Variants in TLE6 observed in about 807,000 individuals in gnomAD.
TLE6 encodes the protein TLE family member 6, subcortical maternal complex member, also known as transducin-like enhancer protein 6.
TLE6 carries 72 observed loss-of-function variants against 77.1 expected under a neutral mutation model. The observed-to-expected ratio is 0.93, with a 90% CI of 0.77 to 1.14. TLE6 has a LOEUF of 1.14. TLE6 is among the 50% of genes most tolerant of loss of function. The pLI, the probability that TLE6 is intolerant of heterozygous loss-of-function variation, is 0.00. For missense variants in TLE6, 843 were observed against 747.6 expected (o/e 1.13, Z -1.49); for synonymous variants, 366 against 287.3 (o/e 1.27, Z -2.77).
Position 2,995,056 on chromosome 19 carries a change from T to TCCCCC in TLE6, c.*58_*62dup. 4.8e-6 allele frequency: 4 copies of TCCCCC among 827,276 alleles called. No homozygotes were observed. Among genetic ancestry groups the TCCCCC allele is most frequent in the Non-Finnish European group, 5.6e-6 (3 of 533,530 alleles). The allele number at this position is 827,276 out of a possible 1,614,324, so 51.2% of individuals were successfully genotyped here. ...CGGCTCCTCTTTTCATCCCCCCCCT[T>TCCCCC]CCCCCCCCCCAACAAGGGGGACATG... On this transcript the variant is annotated 3_prime_UTR_variant, in exon 17 of 17. Transcript: ENST00000246112.
Position 2,994,115 on chromosome 19 carries a change from G to GC in TLE6, c.1614+21dup. ...TTCGAGGTACTGCGGTGGGCTGGGG[G>GC]CAGGACCCGGGGGTGGCCCCAAAGG... On this transcript the variant is annotated intron_variant, in intron 16 of 16. Coordinates refer to ENST00000246112, the MANE Select transcript of TLE6 (RefSeq NM_001143986.2). The GC allele has an allele frequency of 6.3e-7, 1 of 1,587,838 alleles. No individual in the cohort carries two copies. The highest frequency in any genetic ancestry group is 8.6e-7 in the Non-Finnish European group (1 of 1,168,090).
intron 16 of TLE6, 82 bp downstream of exon 16, chr19:2,994,177 C>CA (rs1001201029): frequency 1.5e-4 from 189 of 1,255,404 alleles, no homozygotes; most frequent in Non-Finnish European, 1.9e-4. Flanking sequence ...CCTGTCTCCA[C>CA]AAAAAACTTA....
At position 2,987,885 on chromosome 19, in the gene TLE6, G is replaced by T. The variant is rs775874588; in HGVS notation, c.626-13G>T. 6.2e-7 allele frequency: 1 copy of T among 1,611,184 alleles called. No homozygotes were observed. The highest frequency in any genetic ancestry group is 8.5e-7 in the Non-Finnish European group (1 of 1,178,158). ...CAATGCAAGCCGCTTAGCCCCTCTT[G>T]TCTCCCCACTAGCCCCCAGGCCACC... On this transcript the variant is annotated splice_polypyrimidine_tract_variant and intron_variant, in intron 9 of 16. Transcript: ENST00000246112.
intron 13 of TLE6, among the ~76,000 whole-genome samples, chr19:2,991,381 T>TACAC (rs1202011955): frequency 5.4e-4 from 53 of 98,034 alleles, no homozygotes; most frequent in African/African-American, 2.5e-3. Flanking sequence ...AATACGTATA[T>TACAC]ATATATATAT....
intron 2 of TLE6, among the ~76,000 whole-genome samples, chr19:2,979,346 A>G (rs574347920): frequency 6.6e-6 from 1 of 151,550 alleles, no homozygotes; most frequent in Non-Finnish European, 1.5e-5. Flanking sequence ...TCCCAGGTTC[A>G]AGTGATTCTC....
intron 11 of TLE6, 143 bp from the exon 12 acceptor site, chr19:2,988,918 A>AGG: frequency 1.6e-6 from 1 of 615,402 alleles, no homozygotes; most frequent in East Asian, 2.5e-5. Flanking sequence ...CAGGACATTG[A>AGG]GGGGAGTCTA....
intron 5 of TLE6, 82 bp from the exon 6 acceptor site, chr19:2,986,747 C>A: frequency 1.5e-6 from 2 of 1,341,190 alleles, no homozygotes; most frequent in Non-Finnish European, 1.0e-6. Flanking sequence ...CCTTCTTCTA[C>A]AGGTGGGGAT....
rs759221475 is a variant in TLE6 at position 2,987,101 on chromosome 19, C to G, written c.404C>G (p.Pro135Arg). The G allele has an allele frequency of 9.3e-6, 15 of 1,614,024 alleles. No homozygotes were observed. Among genetic ancestry groups the G allele is most frequent in the Non-Finnish European group, 1.3e-5 (15 of 1,180,028 alleles). The change falls in exon 7 of 17, where the codon CCT becomes CGT. Residue 135 changes from proline (P) to arginine (R), a missense_variant. Pro to Arg is a moderately radical substitution (Grantham distance 103). Coordinates refer to ENST00000246112, the MANE Select transcript of TLE6 (RefSeq NM_001143986.2). ...ATRSSDWLRR[P>R]LGEDNQPETQ... ...AGGTCCTCCGACTGGCTCCGGCGGC[C>G]TTTGGGGGAGGACAATCAGCCGGAG...
At chr19:2,981,049 T>TA (rs879544850) in intron 3 of TLE6, among the ~76,000 whole-genome samples, 28 of 141,768 alleles carry the variant, frequency 2.0e-4, no homozygotes, top group East Asian at 4.2e-4. Context: ...AGATTCTGTT[T>TA]AAAAAAAAAA....
chr19:2,991,572 G>A (rs995444968), intron 13 of TLE6, among the ~76,000 whole-genome samples: 1 of 151,010 alleles, frequency 6.6e-6, no homozygotes, highest in Admixed American at 6.7e-5. Context: ...ACCTGCCTCA[G>A]AGCTCGGGTG....
At position 2,987,186 on chromosome 19, in the gene TLE6, C is replaced by G. The variant is rs2088932124; in HGVS notation, c.489C>G (p.Leu163=). Residue 163 remains leucine (L), a synonymous_variant, in exon 7 of 17, where the codon CTC becomes CTG. Transcript: ENST00000246112. The part of the protein sequence containing the change: ...WFWHDTLTEQ[L]WRIFAGVHDE... The stretch of plus-strand genomic sequence containing the variant: ...GGCACGACACTCTGACCGAGCAACT[C>G]TGGCGGATTTTTGCCGGCGTCCACG... 6.2e-7 allele frequency: 1 copy of G among 1,614,100 alleles called. No individual in the cohort carries two copies. The highest frequency in any genetic ancestry group is 8.5e-7 in the Non-Finnish European group (1 of 1,180,032).
rs1276886459 is a variant in TLE6 at position 2,986,913 on chromosome 19, G to T, written c.285+22G>T. On this transcript the variant is annotated intron_variant, in intron 6 of 16. Transcript: ENST00000246112. ...GGAGGTGAGTTTCTGGGTCTTCAAG[G>T]AGGGGAGGGGACAGGCTTGGGTGAA... 3 of 1,552,508 alleles carry T rather than the reference G, an allele frequency of 1.9e-6. No individual in the cohort carries two copies. In the Admixed American group the frequency reaches 5.9e-5, roughly 30 times the overall value.
At chr19:2,989,358 AG>A (rs1555685710) in intron 12 of TLE6, 45 bp downstream of exon 12, 2 of 1,603,616 alleles carry the variant, frequency 1.2e-6, no homozygotes. Flanking sequence ...TTCTGGGAAC[AG>A]GGGGTTTGAG....
intron 8 of TLE6, 78 bp downstream of exon 8, chr19:2,987,450 G>A: frequency 6.3e-7 from 1 of 1,590,380 alleles, no homozygotes; most frequent in Non-Finnish European, 8.6e-7. Flanking sequence ...TCAGGGCACT[G>A]GGGTTCCTGT....
At chr19:2,994,866 T>C (rs1042380452) in intron 16 of TLE6, 34 bp from the exon 17 acceptor site, 1 of 1,348,694 alleles carries the variant, frequency 7.4e-7, no homozygotes, top group South Asian at 1.2e-5. Flanking sequence ...GTGTGAGCCC[T>C]ACCCCAGCTC....
intron 16 of TLE6, 28 bp downstream of exon 16, chr19:2,994,123 C>T (rs377622964): frequency 3.9e-5 from 62 of 1,578,734 alleles, no homozygotes; most frequent in African/African-American, 2.6e-4. Flanking sequence ...GGGCAGGACC[C>T]GGGGGTGGCC....
chr19:2,986,100 AAAAAAAAAAAGAT>A (rs1172613209), intron 5 of TLE6, among the ~76,000 whole-genome samples: 1 of 125,608 alleles, frequency 8.0e-6, no homozygotes, highest in Non-Finnish European at 1.6e-5. Context: ...AAAAAAAAAA[AAAAAAAAAAAGAT>A]ATATGCCAGG....
chr19:2,992,449 G>T (rs888057023), intron 14 of TLE6, among the ~76,000 whole-genome samples: 1 of 151,854 alleles, frequency 6.6e-6, no homozygotes, highest in African/African-American at 2.4e-5. Context: ...TCCAGGCTGC[G>T]CAATAAGAGC....
intron 5 of TLE6, 39 bp from the exon 6 acceptor site, chr19:2,986,790 C>A: frequency 1.3e-6 from 2 of 1,546,544 alleles, no homozygotes; most frequent in Non-Finnish European, 1.8e-6. Flanking sequence ...CCCTTAACTG[C>A]AACAACATTT....
Sources: gnomAD v4.1 joint callset for allele counts (sites outside exome capture counted in the v4.1 genomes callset) on GRCh38, gnomAD v4.1.1 for gene constraint, MANE v1.5 for transcripts, NCBI Gene and HGNC (gene_info 2026-07-23, HGNC 2026-07-21) for gene names.